Variants in PSMA8 observed in about 807,000 individuals in gnomAD.
PSMA8 encodes the protein proteasome subunit alpha-type 8.
Under a neutral mutation model 32.4 loss-of-function variants are expected in PSMA8, and 18 were observed. The observed-to-expected ratio is 0.56, with a 90% confidence interval of 0.38 to 0.82. PSMA8 has a LOEUF of 0.82. PSMA8 is among the 40% of genes least tolerant of loss of function. The probability of loss-of-function intolerance (pLI) is 0.00; values close to 1 mark genes in which losing one functional copy is unlikely to be tolerated. For missense variants in PSMA8, 298 were observed against 300.7 expected (o/e 0.99, Z 0.07); for synonymous variants, 104 against 98.1 (o/e 1.06, Z -0.36).
intron 6 of PSMA8, among the ~76,000 whole-genome samples, chr18:26,184,196 T>G (rs1479969154): frequency 6.6e-6 from 1 of 150,738 alleles, no homozygotes; most frequent in Non-Finnish European, 1.5e-5. Context: ...TATGCCTGTA[T>G]GTGTATTCAT....
chr18:26,166,841 C>T (rs1056847714), intron 4 of PSMA8, among the ~76,000 whole-genome samples: 5 of 152,076 alleles, frequency 3.3e-5, no homozygotes, highest in Non-Finnish European at 7.4e-5. Flanking sequence ...AGTTTTCAAG[C>T]AAAAATTATA....
intron 2 of PSMA8, among the ~76,000 whole-genome samples, chr18:26,147,647 G>A (rs1318651048): frequency 1.3e-5 from 2 of 152,118 alleles, no homozygotes; most frequent in African/African-American, 4.8e-5. Flanking sequence ...TTAGCATGTA[G>A]TGTTTTTAGC....
At chr18:26,145,897 A>G (rs1172650025) in intron 2 of PSMA8, among the ~76,000 whole-genome samples, 1 of 152,210 alleles carries the variant, frequency 6.6e-6, no homozygotes, top group Admixed American at 6.5e-5. Flanking sequence ...TTGCTGGATT[A>G]TATGATAATC....
chr18:26,186,228 AAC>A (rs2055352116), intron 6 of PSMA8, among the ~76,000 whole-genome samples: 1 of 140,978 alleles, frequency 7.1e-6, no homozygotes, highest in South Asian at 2.3e-4. Flanking sequence ...TAGCCTGGGC[AAC>A]ACAGGGAGAC....
intron 4 of PSMA8, among the ~76,000 whole-genome samples, chr18:26,166,721 A>G (rs977178074): frequency 6.6e-6 from 1 of 152,184 alleles, no homozygotes; most frequent in African/African-American, 2.4e-5. Context: ...GGTTATTAGG[A>G]CTTGGAGATT....
chr18:26,169,004 A>C (rs2055200986), intron 4 of PSMA8, among the ~76,000 whole-genome samples: 1 of 129,246 alleles, frequency 7.7e-6, no homozygotes, highest in South Asian at 2.2e-4. Context: ...CCTTTTCGAG[A>C]CAAGGTCTCT....
intron 4 of PSMA8, among the ~76,000 whole-genome samples, chr18:26,162,100 T>C (rs1294091767): frequency 3.9e-5 from 6 of 152,222 alleles, no homozygotes; most frequent in Non-Finnish European, 7.3e-5. Context: ...TGTGTGTACA[T>C]TGTGGCATGA....
chr18:26,144,593 G>A lies in PSMA8; in HGVS notation c.137G>A (p.Gly46Glu), dbSNP rs755969977. The A allele has an allele frequency of 1.6e-5, 26 of 1,613,394 alleles. 1 individual carries two copies. Among genetic ancestry groups the A allele is most frequent in the Non-Finnish European group, 2.0e-5 (24 of 1,179,530 alleles). The change falls in exon 2 of 7, where the codon GGG (glycine) becomes GAG (glutamate). Residue 46 changes from glycine (G) to glutamate (E), a missense_variant. Coordinates refer to ENST00000415576, the MANE Select transcript of PSMA8 (RefSeq NM_001025096.2). Reference protein sequence around the residue: ...GIRGTNIVVLGVEKKSVAKLQ... With the variant: ...GIRGTNIVVLEVEKKSVAKLQ... ...CGAGGTACCAATATAGTTGTTCTTG[G>A]GGTAGAAAAAAAATCTGTTGCCAAG...
At chr18:26,136,352 A>G (rs1356567229) in intron 1 of PSMA8, among the ~76,000 whole-genome samples, 1 of 152,050 alleles carries the variant, frequency 6.6e-6, no homozygotes, top group African/African-American at 2.4e-5. Flanking sequence ...CCTTTCTGTG[A>G]CCCCAAACTG....
At chr18:26,179,506 A>C (rs2144346064) in intron 6 of PSMA8, among the ~76,000 whole-genome samples, 1 of 152,290 alleles carries the variant, frequency 6.6e-6, no homozygotes, top group East Asian at 1.9e-4. Context: ...CTTAAACTTT[A>C]ATACGTAGCA....
Position 26,183,403 on chromosome 18 carries a change from AT to A in PSMA8, c.660+4275del, listed in dbSNP as rs1390083482. Among the ~76,000 whole-genome samples the A allele has an allele frequency of 1.9e-4, 29 of 150,542 alleles. 2 individuals carry two copies. Among genetic ancestry groups the A allele is most frequent in the African/African-American group, 6.6e-4 (27 of 40,834 alleles). ...CAAGACTCCGTCTAAAAAAAAAAAAATTAACAAACAAACAAAAATATCAACA... is the reference window on the plus strand; with the variant it reads ...CAAGACTCCGTCTAAAAAAAAAAAAATAACAAACAAACAAAAATATCAACA... On this transcript the variant is annotated intron_variant, in intron 6 of 6. Coordinates refer to ENST00000415576, the MANE Select transcript of PSMA8 (RefSeq NM_001025096.2).
chr18:26,178,497 G>A (rs1196930694), intron 4 of PSMA8, among the ~76,000 whole-genome samples: 1 of 152,060 alleles, frequency 6.6e-6, no homozygotes, highest in Admixed American at 6.6e-5. Context: ...TACTCAGGAG[G>A]TTCAGGTGGG....
At chr18:26,182,289 C>G (rs577992562) in intron 6 of PSMA8, among the ~76,000 whole-genome samples, 3 of 152,320 alleles carry the variant, frequency 2.0e-5, no homozygotes, top group South Asian at 2.1e-4. Context: ...AAACAGCTTT[C>G]TGCTGGAAGA....
intron 4 of PSMA8, among the ~76,000 whole-genome samples, chr18:26,164,509 G>A (rs562139013): frequency 7.2e-5 from 11 of 152,158 alleles, no homozygotes; most frequent in Non-Finnish European, 1.6e-4. Context: ...CAATGGAAAA[G>A]AAATAACATG....
intron 4 of PSMA8, among the ~76,000 whole-genome samples, chr18:26,172,608 A>G (rs2055231902): frequency 6.6e-6 from 1 of 152,196 alleles, no homozygotes; most frequent in Non-Finnish European, 1.5e-5. Context: ...ACCAGTTGAG[A>G]AGCCATATGC....
chr18:26,136,415 A>G (rs1429785314), intron 1 of PSMA8, among the ~76,000 whole-genome samples: 1 of 152,212 alleles, frequency 6.6e-6, no homozygotes, highest in Non-Finnish European at 1.5e-5. Flanking sequence ...CAATGTAGCC[A>G]TCAAAGTCTT....
In PSMA8 at chr18:26,151,912, G is replaced by A. The variant is rs1328572838; in HGVS notation, c.284G>A (p.Ser95Asn). ...AACAGAGCCCGTGTGGAGTGCCAGA[G>A]CCATAAGCTTACGGTTGAGGACCCA... ...VINRARVECQ[S>N]HKLTVEDPVT... The change falls in exon 3 of 7, where the codon AGC (serine) becomes AAC (asparagine). Residue 95 changes from serine to asparagine, a missense_variant. Transcript: ENST00000415576. The A allele has an allele frequency of 6.2e-7, 1 of 1,612,698 alleles. No homozygotes were observed. The highest frequency in any genetic ancestry group is 1.1e-5 in the South Asian group (1 of 90,884).
intron 4 of PSMA8, 50 bp from the exon 5 acceptor site, chr18:26,178,780 A>G (rs753384078): frequency 7.6e-5 from 118 of 1,551,202 alleles, no homozygotes; most frequent in Non-Finnish European, 9.5e-5. Flanking sequence ...AGTAACCATA[A>G]ATTCATTCCT....
chr18:26,154,408 C>A (rs1200303830), intron 3 of PSMA8, among the ~76,000 whole-genome samples: 3 of 151,978 alleles, frequency 2.0e-5, no homozygotes, highest in African/African-American at 7.3e-5. Context: ...ACACATTCAC[C>A]AAATACAAGG....
Sources: gnomAD v4.1 joint callset for allele counts (sites outside exome capture counted in the v4.1 genomes callset) on GRCh38, gnomAD v4.1.1 for gene constraint, MANE v1.5 for transcripts, NCBI Gene and HGNC (gene_info 2026-07-23, HGNC 2026-07-21) for gene names.